The following KCNK13 variants were observed in gnomAD, a reference collection of about 807,000 sequenced individuals.
The protein encoded by KCNK13 is potassium channel subfamily K member 13.
KCNK13 carries 12 observed loss-of-function variants against 23.4 expected under a neutral mutation model. The observed-to-expected ratio is 0.51, with a 90% CI of 0.33 to 0.83. KCNK13 has a LOEUF of 0.83. KCNK13 is among the 40% of genes least tolerant of loss of function. The probability of loss-of-function intolerance (pLI) is 0.02; values close to 1 mark genes in which losing one functional copy is unlikely to be tolerated. For synonymous variants in KCNK13, 231 were observed against 229.5 expected (o/e 1.01, Z -0.06); for missense variants, 463 against 556.3 (o/e 0.83, Z 1.69).
intron 1 of KCNK13, among the ~76,000 whole-genome samples, chr14:90,180,952 G>A (rs1043658516): frequency 6.6e-6 from 1 of 152,184 alleles, no homozygotes; most frequent in Non-Finnish European, 1.5e-5. Flanking sequence ...CACCTCCCGG[G>A]TTCAAGTGAT....
intron 1 of KCNK13, among the ~76,000 whole-genome samples, chr14:90,121,356 C>G (rs1237214857): frequency 6.6e-6 from 1 of 152,180 alleles, no homozygotes; most frequent in Non-Finnish European, 1.5e-5. Flanking sequence ...TCCCTGTAAG[C>G]ACCGTGGCTT....
At chr14:90,125,204 A>T (rs1244570557) in intron 1 of KCNK13, among the ~76,000 whole-genome samples, 1 of 150,476 alleles carries the variant, frequency 6.6e-6, no homozygotes, top group Non-Finnish European at 1.5e-5. Flanking sequence ...CCCATCCCCA[A>T]CCCCCAGATC....
At chr14:90,125,562 A>G (rs1889787694) in intron 1 of KCNK13, among the ~76,000 whole-genome samples, 1 of 151,342 alleles carries the variant, frequency 6.6e-6, no homozygotes, top group African/African-American at 2.4e-5. Context: ...TGGTAAAATC[A>G]TATGTACCAA....
intron 1 of KCNK13, among the ~76,000 whole-genome samples, chr14:90,089,079 G>T (rs894612439): frequency 6.6e-6 from 1 of 152,176 alleles, no homozygotes; most frequent in Non-Finnish European, 1.5e-5. Flanking sequence ...GTAGAGTGGG[G>T]CATTGCTGAA....
At chr14:90,096,055 G>A (rs571827548) in intron 1 of KCNK13, among the ~76,000 whole-genome samples, 1 of 152,292 alleles carries the variant, frequency 6.6e-6, no homozygotes, top group South Asian at 2.1e-4. Context: ...GAAGAGGTGT[G>A]GAGCTTCCAG....
At chr14:90,110,422 G>A (rs1483117740) in intron 1 of KCNK13, among the ~76,000 whole-genome samples, 1 of 151,524 alleles carries the variant, frequency 6.6e-6, no homozygotes, top group African/African-American at 2.4e-5. Flanking sequence ...AGAAGTTGCA[G>A]TGAGTCGACA....
intron 1 of KCNK13, among the ~76,000 whole-genome samples, chr14:90,150,328 A>G (rs1253807604): frequency 2.6e-5 from 4 of 152,028 alleles, no homozygotes; most frequent in African/African-American, 7.2e-5. Context: ...TAAAGGTAAT[A>G]TCTGGGCCAG....
chr14:90,178,704 T>C (rs1279935303), intron 1 of KCNK13, among the ~76,000 whole-genome samples: 2 of 152,134 alleles, frequency 1.3e-5, no homozygotes. Flanking sequence ...AGAAAAAAAG[T>C]GTCTGACACA....
intron 1 of KCNK13, among the ~76,000 whole-genome samples, chr14:90,183,528 T>G (rs543702925): frequency 6.6e-6 from 1 of 152,248 alleles, no homozygotes; most frequent in Admixed American, 6.5e-5. Flanking sequence ...TCTTAGGAGT[T>G]CCCATAGAAT....
chr14:90,173,691 G>C (rs1201552466), intron 1 of KCNK13, among the ~76,000 whole-genome samples: 1 of 152,048 alleles, frequency 6.6e-6, no homozygotes, highest in South Asian at 2.1e-4. Context: ...TGCAAGCAAG[G>C]GAAAATTTCA....
chr14:90,136,971 C>G (rs908926461), intron 1 of KCNK13, among the ~76,000 whole-genome samples: 2 of 152,146 alleles, frequency 1.3e-5, no homozygotes, highest in Non-Finnish European at 2.9e-5. Context: ...AAAGGAAGAA[C>G]AAAGCAAGGG....
At chr14:90,096,167 T>C (rs370977284) in intron 1 of KCNK13, among the ~76,000 whole-genome samples, 1 of 152,188 alleles carries the variant, frequency 6.6e-6, no homozygotes, top group Non-Finnish European at 1.5e-5. Flanking sequence ...GACTTTATTA[T>C]ATAGACATGA....
intron 1 of KCNK13, among the ~76,000 whole-genome samples, chr14:90,076,786 T>G (rs1374767817): frequency 6.6e-6 from 1 of 152,232 alleles, no homozygotes; most frequent in Non-Finnish European, 1.5e-5. Flanking sequence ...AATGTCTTGC[T>G]CAATTGTTTT....
chr14:90,146,821 T>G (rs1282637265), intron 1 of KCNK13, among the ~76,000 whole-genome samples: 1 of 152,162 alleles, frequency 6.6e-6, no homozygotes, highest in Non-Finnish European at 1.5e-5. Context: ...TATTTTATCT[T>G]TTTCTATCTA....
intron 1 of KCNK13, among the ~76,000 whole-genome samples, chr14:90,172,138 G>A (rs1053044154): frequency 1.8e-4 from 28 of 152,132 alleles, no homozygotes; most frequent in African/African-American, 6.3e-4. Context: ...TCAATATGGT[G>A]GAACCCCGTC....
intron 1 of KCNK13, among the ~76,000 whole-genome samples, chr14:90,126,740 C>T (rs925718657): frequency 6.6e-6 from 1 of 152,092 alleles, no homozygotes; most frequent in African/African-American, 2.4e-5. Flanking sequence ...GACTGGGTTT[C>T]GCCATTTTAC....
At chr14:90,137,928 G>A (rs1889957850) in intron 1 of KCNK13, among the ~76,000 whole-genome samples, 1 of 152,194 alleles carries the variant, frequency 6.6e-6, no homozygotes, top group Admixed American at 6.5e-5. Context: ...CGTGAAGACA[G>A]GATCGGTTCT....
chr14:90,175,768 T>C (rs1240892206), intron 1 of KCNK13, among the ~76,000 whole-genome samples: 1 of 152,188 alleles, frequency 6.6e-6, no homozygotes, highest in African/African-American at 2.4e-5. Context: ...CAGCTGGCAG[T>C]TCTTTGGCTC....
At chr14:90,115,086 A>G (rs1279948136) in intron 1 of KCNK13, among the ~76,000 whole-genome samples, 1 of 152,156 alleles carries the variant, frequency 6.6e-6, no homozygotes, top group Non-Finnish European at 1.5e-5. Flanking sequence ...GAGGAATTGC[A>G]CCTTCAAAAT....
Sources: allele counts gnomAD v4.1 joint callset (sites outside exome capture counted in the v4.1 genomes callset), GRCh38; gene constraint gnomAD v4.1.1; transcripts MANE v1.5; gene names NCBI Gene and HGNC (gene_info 2026-07-23, HGNC 2026-07-21).